The following FHIT variants were observed in gnomAD, a reference collection of about 807,000 sequenced individuals.
The protein encoded by FHIT is bis(5'-adenosyl)-triphosphatase.
A neutral mutation model predicts 17.9 loss-of-function variants in FHIT; 19 were observed. The ratio of observed to expected loss-of-function variants is 1.06; its 90% CI spans 0.74 to 1.56. The LOEUF (loss-of-function observed/expected upper bound fraction) is 1.56. Among genes scored for constraint, FHIT ranks in the 40% most tolerant of loss-of-function variants. FHIT has a pLI of 0.00. For missense variants in FHIT, 248 were observed against 189.2 expected, an observed-to-expected ratio of 1.31 and a Z score of -1.82; for synonymous variants, 81 against 69.7, an observed-to-expected ratio of 1.16 and a Z score of -0.81.
intron 5 of FHIT, among the ~76,000 whole-genome samples, chr3:60,218,358 T>G (rs1488973092): frequency 1.3e-5 from 2 of 152,174 alleles, no homozygotes; most frequent in East Asian, 3.8e-4. Context: ...TGCTTAATTC[T>G]TATATACTGC....
At chr3:60,916,523 T>C (rs1553767128) in intron 3 of FHIT, among the ~76,000 whole-genome samples, 3 of 152,202 alleles carry the variant, frequency 2.0e-5, no homozygotes, top group African/African-American at 2.4e-5. Flanking sequence ...ATAATCATTA[T>C]TGCCCAAGAT....
chr3:60,081,460 T>C (rs535051696), intron 5 of FHIT, among the ~76,000 whole-genome samples: 9 of 152,234 alleles, frequency 5.9e-5, no homozygotes, highest in Admixed American at 3.3e-4. Context: ...AGAGTGATCC[T>C]GAAGTTCCTT....
At chr3:60,480,666 C>G (rs1201578662) in intron 5 of FHIT, among the ~76,000 whole-genome samples, 2 of 152,204 alleles carry the variant, frequency 1.3e-5, no homozygotes, top group African/African-American at 4.8e-5. Flanking sequence ...GTCATTAAAT[C>G]TTAAAGCTCC....
At chr3:60,377,399 C>A (rs1312204157) in intron 5 of FHIT, among the ~76,000 whole-genome samples, 2 of 149,926 alleles carry the variant, frequency 1.3e-5, no homozygotes, top group Non-Finnish European at 3.0e-5. Context: ...CCTTGTGATC[C>A]TCCCGCCTCA....
intron 8 of FHIT, among the ~76,000 whole-genome samples, chr3:59,752,787 C>T (rs1700990761): frequency 1.3e-5 from 2 of 152,176 alleles, no homozygotes; most frequent in Admixed American, 1.3e-4. Flanking sequence ...GCTTTCCCTT[C>T]CGCCATGATT....
chr3:60,701,336 C>T (rs372185523), intron 4 of FHIT, among the ~76,000 whole-genome samples: 41 of 152,052 alleles, frequency 2.7e-4, no homozygotes, highest in Admixed American at 2.1e-3. Flanking sequence ...TTTCTCAAGA[C>T]GAGGGAACTG....
In FHIT at chr3:61,095,138, G is replaced by A. The variant is rs536268282; in HGVS notation, c.-163-53039C>T. Among the ~76,000 whole-genome samples the A allele has an allele frequency of 3.9e-5, 6 of 152,272 alleles. No individual in the cohort carries two copies. In the East Asian group the frequency reaches 1.2e-3, roughly 29 times the overall value. On this transcript the variant is annotated intron_variant, in intron 2 of 9. Coordinates refer to ENST00000492590, the MANE Select transcript of FHIT (RefSeq NM_002012.4). ...GGCACACACTATCAGAAAAATGGCA[G>A]GGATTCATCAATTAATCTATCCATT... is the stretch of plus-strand genomic sequence containing the variant.
chr3:60,906,686 C>T (rs923300739), intron 3 of FHIT, among the ~76,000 whole-genome samples: 24 of 152,112 alleles, frequency 1.6e-4, no homozygotes, highest in Non-Finnish European at 2.8e-4. Flanking sequence ...AAATGACAGA[C>T]AATTTGAGCC....
chr3:60,808,641 T>C (rs1701475883), intron 4 of FHIT, among the ~76,000 whole-genome samples: 1 of 152,186 alleles, frequency 6.6e-6, no homozygotes, highest in South Asian at 2.1e-4. Flanking sequence ...CCTTTACAGC[T>C]GGAAAAGGGA....
chr3:60,228,412 C>A (rs1485344106), intron 5 of FHIT, among the ~76,000 whole-genome samples: 1 of 151,988 alleles, frequency 6.6e-6, no homozygotes, highest in African/African-American at 2.4e-5. Flanking sequence ...ATTGTATGAC[C>A]TTGGGAATAC....
At chr3:61,198,895 C>CGAT (rs56054524) in intron 2 of FHIT, among the ~76,000 whole-genome samples, 151 of 150,702 alleles carry the variant, frequency 1.0e-3, no homozygotes, top group East Asian at 4.9e-3. Context: ...CTGCCGCCGC[C>CGAT]GATGATGATG....
intron 4 of FHIT, among the ~76,000 whole-genome samples, chr3:60,686,941 C>T (rs782604055): frequency 7.2e-5 from 11 of 152,174 alleles, no homozygotes; most frequent in Non-Finnish European, 1.3e-4. Context: ...TTCTTCAGAT[C>T]CCTCAGAGAG....
intron 4 of FHIT, among the ~76,000 whole-genome samples, chr3:60,590,396 C>T (rs931266875): frequency 6.6e-5 from 10 of 151,990 alleles, no homozygotes; most frequent in African/African-American, 2.4e-4. Context: ...CACTCCACCC[C>T]CAGAGAATAA....
chr3:60,715,826 CA>C (rs1379913384), intron 4 of FHIT, among the ~76,000 whole-genome samples: 1 of 151,932 alleles, frequency 6.6e-6, no homozygotes, highest in East Asian at 1.9e-4. Flanking sequence ...AAAATATTAA[CA>C]TAGTGAAAAA....
At chr3:59,822,074 T>C (rs1700812933) in intron 8 of FHIT, among the ~76,000 whole-genome samples, 1 of 152,208 alleles carries the variant, frequency 6.6e-6, no homozygotes, top group Admixed American at 6.5e-5. Flanking sequence ...CCTGAGTTAC[T>C]TCACTTAGAA....
At chr3:60,055,291 T>G (rs1702036651) in intron 5 of FHIT, among the ~76,000 whole-genome samples, 1 of 151,998 alleles carries the variant, frequency 6.6e-6, no homozygotes, top group Admixed American at 6.6e-5. Context: ...TGGGCCTCTT[T>G]TTGTCACTTT....
At chr3:59,808,907 C>T (rs1700306759) in intron 8 of FHIT, among the ~76,000 whole-genome samples, 1 of 152,122 alleles carries the variant, frequency 6.6e-6, no homozygotes, top group African/African-American at 2.4e-5. Flanking sequence ...AGCCTTACAA[C>T]AGCTTAGAGG....
chr3:60,704,338 T>A (rs2041320390), intron 4 of FHIT, among the ~76,000 whole-genome samples: 1 of 152,192 alleles, frequency 6.6e-6, no homozygotes, highest in Admixed American at 6.5e-5. Context: ...AAGCTTCTAT[T>A]TTTTTAGATA....
intron 5 of FHIT, among the ~76,000 whole-genome samples, chr3:60,130,597 G>A (rs1366758973): frequency 2.6e-5 from 4 of 151,832 alleles, no homozygotes; most frequent in African/African-American, 7.3e-5. Flanking sequence ...TGAAAACACT[G>A]GGCATGTGAC....
Sources: gnomAD v4.1 joint callset for allele counts (sites outside exome capture counted in the v4.1 genomes callset) on GRCh38, gnomAD v4.1.1 for gene constraint, MANE v1.5 for transcripts, NCBI Gene and HGNC (gene_info 2026-07-23, HGNC 2026-07-21) for gene names.